FOXP1: variants seen among roughly 807,000 people sequenced by gnomAD.
FOXP1 encodes forkhead box P1.
In FOXP1, 15 loss-of-function variants were observed where a neutral mutation model predicts 98.2. The observed-to-expected ratio is 0.15, with a 90% CI of 0.10 to 0.24. The LOEUF (loss-of-function observed/expected upper bound fraction) is 0.24, where lower values mean the gene tolerates loss of function less well. Ranked by LOEUF, FOXP1 falls within the 10% of genes least tolerant of loss-of-function variation. The probability of loss-of-function intolerance (pLI) is 1.00; values close to 1 mark genes in which losing one functional copy is unlikely to be tolerated. For synonymous variants in FOXP1, 371 were observed against 314.5 expected, an observed-to-expected ratio of 1.18 and a Z score of -1.90; for missense variants, 633 against 848.5, an observed-to-expected ratio of 0.75 and a Z score of 3.15.
At chr3:71,291,712 A>ATTTTTTTTT (rs11438381) in intron 5 of FOXP1, among the ~76,000 whole-genome samples, 2 of 125,200 alleles carry the variant, frequency 1.6e-5, no homozygotes, top group Admixed American at 8.8e-5. Flanking sequence ...CTTATTCTGT[A>ATTTTTTTTT]TTTTTTTTTT....
At chr3:70,981,740 G>C (rs150820353) in intron 14 of FOXP1, among the ~76,000 whole-genome samples, 189 of 152,328 alleles carry the variant, frequency 1.2e-3, no homozygotes, top group South Asian at 3.1e-3. Flanking sequence ...GCAGTCAAGT[G>C]GAAAATTTCT....
intron 5 of FOXP1, among the ~76,000 whole-genome samples, chr3:71,210,510 G>A (rs2064373611): frequency 6.6e-6 from 1 of 152,208 alleles, no homozygotes; most frequent in African/African-American, 2.4e-5. Flanking sequence ...GACATGCAGG[G>A]AAGAGACATC....
chr3:71,152,018 G>A (rs954056000), intron 6 of FOXP1, among the ~76,000 whole-genome samples: 1 of 152,182 alleles, frequency 6.6e-6, no homozygotes, highest in Non-Finnish European at 1.5e-5. Flanking sequence ...GATTTTGCAG[G>A]TATAAAGTCC....
intron 5 of FOXP1, among the ~76,000 whole-genome samples, chr3:71,232,877 C>CAAAACAAAAA (rs528237968): frequency 3.2e-5 from 1 of 31,422 alleles, no homozygotes; most frequent in Non-Finnish European, 5.9e-5. Flanking sequence ...AACTCTGTCT[C>CAAAACAAAAA]AAAAAAAAAA....
At chr3:71,447,311 C>G (rs1356040012) in intron 3 of FOXP1, among the ~76,000 whole-genome samples, 1 of 152,176 alleles carries the variant, frequency 6.6e-6, no homozygotes, top group African/African-American at 2.4e-5. Flanking sequence ...CATTCTCAAG[C>G]TAGTTTATGA....
At position 71,551,171 on chromosome 3, in the gene FOXP1, A is replaced by T. The variant is rs994758811; in HGVS notation, c.-298+30378T>A. Among the ~76,000 whole-genome samples, 5 of 152,176 alleles carry T rather than the reference A, an allele frequency of 3.3e-5. No individual in the cohort carries two copies. In the East Asian group the frequency reaches 9.6e-4, roughly 29 times the overall value. On this transcript the variant is annotated intron_variant, in intron 2 of 20. Coordinates refer to ENST00000649528, the MANE Select transcript of FOXP1 (RefSeq NM_001349338.3). ...TTCGTGTTCTGGCTTAAATGTTCAA[A>T]GGGGTAAATACAAATTTTTCCAAAG...
At chr3:71,520,176 A>C (rs1451036620) in intron 2 of FOXP1, among the ~76,000 whole-genome samples, 2 of 152,254 alleles carry the variant, frequency 1.3e-5, no homozygotes, top group Admixed American at 1.3e-4. Flanking sequence ...TCTGAAACAC[A>C]GAACATGCTC....
intron 5 of FOXP1, among the ~76,000 whole-genome samples, chr3:71,238,082 T>C (rs552765123): frequency 6.6e-6 from 1 of 152,286 alleles, no homozygotes; most frequent in Admixed American, 6.5e-5. Flanking sequence ...ACTCAAAATA[T>C]ATGAAATTAA....
Position 70,962,115 on chromosome 3 carries a change from G to A in FOXP1, c.1890-2724C>T, listed in dbSNP as rs1481289137. ...TTTTGCCAATCTGTTTCCATTTGAG[G>A]TCATATTTTTAAATATTGTAAATTC... is the stretch of plus-strand genomic sequence containing the variant. On this transcript the variant is annotated intron_variant, in intron 20 of 20. Transcript: ENST00000649528. Among the ~76,000 whole-genome samples, 2 of 151,988 alleles carry A rather than the reference G, an allele frequency of 1.3e-5. 1 individual carries two copies. The highest frequency in any genetic ancestry group is 4.2e-4 in the South Asian group (2 of 4,816).
chr3:71,214,975 G>A (rs1012928615), intron 5 of FOXP1, among the ~76,000 whole-genome samples: 2 of 152,186 alleles, frequency 1.3e-5, no homozygotes, highest in Non-Finnish European at 2.9e-5. Context: ...CACAAAGCAT[G>A]GTTCTGTGGA....
chr3:71,246,936 C>T (rs2067795640), intron 5 of FOXP1, among the ~76,000 whole-genome samples: 3 of 152,172 alleles, frequency 2.0e-5, no homozygotes, highest in Non-Finnish European at 4.4e-5. Context: ...AATACATTAA[C>T]ACAATACTCG....
intron 3 of FOXP1, among the ~76,000 whole-genome samples, chr3:71,441,511 A>G (rs1347849145): frequency 6.6e-6 from 1 of 152,226 alleles, no homozygotes; most frequent in African/African-American, 2.4e-5. Context: ...CAGTGGAGTG[A>G]GTAGTCACTA....
chr3:71,398,046 C>T (rs2081665658), intron 3 of FOXP1, among the ~76,000 whole-genome samples: 1 of 152,172 alleles, frequency 6.6e-6, no homozygotes, highest in African/African-American at 2.4e-5. Flanking sequence ...TAAGATACAA[C>T]CATTTTCTTT....
intron 3 of FOXP1, among the ~76,000 whole-genome samples, chr3:71,422,067 T>C (rs1488639050): frequency 6.6e-6 from 1 of 152,210 alleles, no homozygotes; most frequent in African/African-American, 2.4e-5. Context: ...GAACATCTTT[T>C]ACTTTCAAGC....
intron 3 of FOXP1, among the ~76,000 whole-genome samples, chr3:71,422,411 T>C (rs2321694): frequency 0.68 from 103,851 of 152,116 alleles, 36,665 homozygotes; most frequent in Non-Finnish European, 0.74. Flanking sequence ...GGGTGGGGCC[T>C]GAGACCCTGC....
intron 4 of FOXP1, among the ~76,000 whole-genome samples, chr3:71,345,947 T>C (rs1233686262): frequency 2.8e-5 from 4 of 145,280 alleles, no homozygotes; most frequent in Admixed American, 7.5e-5. Flanking sequence ...GACAAAGTGC[T>C]TTTCAAGCAC....
chr3:71,489,609 G>T (rs1372512069), intron 3 of FOXP1, among the ~76,000 whole-genome samples: 2 of 152,172 alleles, frequency 1.3e-5, no homozygotes, highest in Non-Finnish European at 2.9e-5. Context: ...CATCCTATAG[G>T]TACCAGTGTC....
intron 3 of FOXP1, among the ~76,000 whole-genome samples, chr3:71,456,341 T>A (rs2087498720): frequency 6.6e-6 from 1 of 152,154 alleles, no homozygotes; most frequent in Non-Finnish European, 1.5e-5. Flanking sequence ...TTCTGTTACT[T>A]TCAATATTGC....
chr3:71,371,345 C>T (rs2079299628), intron 3 of FOXP1, among the ~76,000 whole-genome samples: 1 of 152,166 alleles, frequency 6.6e-6, no homozygotes, highest in Non-Finnish European at 1.5e-5. Context: ...CATGCTCAAC[C>T]TCAGGGAACC....
Sources: gnomAD v4.1 joint callset for allele counts (sites outside exome capture counted in the v4.1 genomes callset) on GRCh38, gnomAD v4.1.1 for gene constraint, MANE v1.5 for transcripts, NCBI Gene and HGNC (gene_info 2026-07-23, HGNC 2026-07-21) for gene names.